PRR11: variants seen among roughly 807,000 people sequenced by gnomAD.
The protein encoded by PRR11 is proline rich 11.
PRR11 carries 30 observed loss-of-function variants against 45.6 expected under a neutral mutation model. The ratio of observed to expected loss-of-function variants is 0.66; its 90% CI spans 0.49 to 0.89. The LOEUF (loss-of-function observed/expected upper bound fraction) is 0.89. PRR11 is among the 40% of genes least tolerant of loss of function. The pLI is 0.00. For missense variants in PRR11, 373 were observed against 424.8 expected, an observed-to-expected ratio of 0.88 and a Z score of 1.07; for synonymous variants, 128 against 153.5, an observed-to-expected ratio of 0.83 and a Z score of 1.23.
rs2046917520 is a variant in PRR11 at position 59,206,225 on chromosome 17, G to C, written c.*4594G>C. On this transcript the variant is annotated 3_prime_UTR_variant, in exon 10 of 10. Coordinates refer to ENST00000262293, the MANE Select transcript of PRR11 (RefSeq NM_018304.4). ...CTACAAAAAACGAAAAATTAGCCGG[G>C]AGCGGTGATGTGTGCCTGTAGTCCC... is the stretch of plus-strand genomic sequence containing the variant. Among the ~76,000 whole-genome samples the C allele has an allele frequency of 6.6e-6, 1 of 152,052 alleles. No homozygotes were observed. The highest frequency in any genetic ancestry group is 2.1e-4 in the South Asian group (1 of 4,812).
rs753236928 is a variant in PRR11 at position 59,169,809 on chromosome 17, CA to C, written c.66del (p.Glu23LysfsTer9). 123 of 1,594,968 alleles carry C rather than the reference CA, an allele frequency of 7.7e-5. No individual in the cohort carries two copies. The highest frequency in any genetic ancestry group is 4.2e-4 in the South Asian group (37 of 88,912). On this transcript the variant is annotated frameshift_variant, in exon 2 of 10. Coordinates refer to ENST00000262293, the MANE Select transcript of PRR11 (RefSeq NM_018304.4). LOFTEE classifies it high-confidence loss of function. ...KLKAKAERLF[K>X]KKEASHFQSK... is the part of the protein sequence containing the mutation. ...TAAAAGCCAAAGCCGAAAGATTATT[CA>C]AAAAAAAAGAAGCCTCTCACTTTCA...
At chr17:59,165,612 G>T (rs1299479718) in intron 1 of PRR11, among the ~76,000 whole-genome samples, 1 of 151,968 alleles carries the variant, frequency 6.6e-6, no homozygotes, top group African/African-American at 2.4e-5. Context: ...GACCAGCATG[G>T]AGAAACCCCG....
At chr17:59,183,741 C>T (rs1179659976) in intron 2 of PRR11, among the ~76,000 whole-genome samples, 1 of 152,168 alleles carries the variant, frequency 6.6e-6, no homozygotes, top group Admixed American at 6.5e-5. Flanking sequence ...GCTCTGAACT[C>T]AGAAATTTCC....
intron 2 of PRR11, chr17:59,178,669 G>A (rs2046763145): frequency 2.0e-6 from 1 of 494,200 alleles, no homozygotes; most frequent in African/African-American, 1.9e-5. Flanking sequence ...GGAAAGAGGA[G>A]AATGACTTTC....
chr17:59,192,469 C>G (rs2046844101), intron 4 of PRR11, among the ~76,000 whole-genome samples: 1 of 152,268 alleles, frequency 6.6e-6, no homozygotes, highest in East Asian at 1.9e-4. Context: ...GCTAGAGCTG[C>G]CATAACAAAA....
At chr17:59,177,389 A>G in intron 2 of PRR11, 1 of 500,750 alleles carries the variant, frequency 2.0e-6, no homozygotes, top group Non-Finnish European at 4.0e-6. Context: ...GACTGTGCTC[A>G]TGTGGAAATT....
At chr17:59,168,691 AAAAAT>A (rs1445346702) in intron 1 of PRR11, among the ~76,000 whole-genome samples, 1 of 152,108 alleles carries the variant, frequency 6.6e-6, no homozygotes, top group African/African-American at 2.4e-5. Context: ...CTGTGCCTCA[AAAAAT>A]AAAATAACAT....
At chr17:59,167,445 A>G (rs532439416) in intron 1 of PRR11, among the ~76,000 whole-genome samples, 1 of 152,320 alleles carries the variant, frequency 6.6e-6, no homozygotes, top group East Asian at 1.9e-4. Context: ...AGGGGTCCCA[A>G]TCCAGACCCC....
chr17:59,169,026 C>T (rs1452964138), intron 1 of PRR11, among the ~76,000 whole-genome samples: 5 of 151,258 alleles, frequency 3.3e-5, no homozygotes. Context: ...GTTTCCTTAT[C>T]TTCTCACTAC....
intron 1 of PRR11, among the ~76,000 whole-genome samples, chr17:59,163,255 G>T (rs1052864198): frequency 6.6e-6 from 1 of 151,878 alleles, no homozygotes; most frequent in Non-Finnish European, 1.5e-5. Context: ...GCTAAATTTT[G>T]TATTTTTGGT....
rs189627945 is a variant in PRR11 at position 59,204,827 on chromosome 17, A to G, written c.*3196A>G. On this transcript the variant is annotated 3_prime_UTR_variant, in exon 10 of 10. Transcript: ENST00000262293. ...GAGGATTGCTTGAGGCCAAGAGTTCAAAACAAGCCTGGGCAACATTGCAAG... is the reference window on the plus strand; with the variant it reads ...GAGGATTGCTTGAGGCCAAGAGTTCGAAACAAGCCTGGGCAACATTGCAAG... The G allele has an allele frequency of 7.9e-4, 120 of 152,396 alleles. No homozygotes were observed. Among genetic ancestry groups the G allele is most frequent in the Non-Finnish European group, 1.3e-3 (90 of 68,164 alleles). 9.4% of individuals were successfully genotyped at this position (152,396 alleles called of 1,614,324 possible).
In PRR11 at chr17:59,180,276, G is replaced by T. The variant is rs2147845486; in HGVS notation, c.129-4778G>T. ...CTCCCAAGTAGCTGGGATTACAGGT[G>T]CCCGTAATAACGCCCAGCTCATTTT... is the stretch of plus-strand genomic sequence containing the variant. On this transcript the variant is annotated intron_variant, in intron 2 of 9. Transcript: ENST00000262293. Among the ~76,000 whole-genome samples the T allele has an allele frequency of 1.3e-5, 2 of 150,726 alleles. 1 individual carries two copies. The highest frequency in any genetic ancestry group is 4.2e-4 in the South Asian group (2 of 4,784).
chr17:59,163,346 A>T (rs1180994756), intron 1 of PRR11, among the ~76,000 whole-genome samples: 2 of 152,156 alleles, frequency 1.3e-5, no homozygotes, highest in Admixed American at 1.3e-4. Context: ...CGGCCTCCCA[A>T]AGTGCTGGGA....
chr17:59,196,472 G>A (rs953327447), intron 7 of PRR11, among the ~76,000 whole-genome samples: 2 of 152,086 alleles, frequency 1.3e-5, no homozygotes, highest in African/African-American at 2.4e-5. Context: ...CACCTCCCGG[G>A]TTCCAGCAAT....
chr17:59,199,445 G>A (rs1397523458), intron 9 of PRR11, among the ~76,000 whole-genome samples: 1 of 152,154 alleles, frequency 6.6e-6, no homozygotes, highest in Non-Finnish European at 1.5e-5. Flanking sequence ...CTGCAGAGTT[G>A]AAAGGAAAAG....
chr17:59,191,114 C>T (rs965890199), intron 4 of PRR11, among the ~76,000 whole-genome samples: 1 of 152,156 alleles, frequency 6.6e-6, no homozygotes, highest in Non-Finnish European at 1.5e-5. Flanking sequence ...GAGTTTCCTC[C>T]CCTCCTCTTT....
At chr17:59,159,139 A>G (rs2046639801) in intron 1 of PRR11, among the ~76,000 whole-genome samples, 1 of 151,872 alleles carries the variant, frequency 6.6e-6, no homozygotes. Context: ...CTCTTTTTTT[A>G]TAACCCTCTA....
At chr17:59,184,896 C>T (rs2046806604) in intron 2 of PRR11, among the ~76,000 whole-genome samples, 158 bp from the exon 3 acceptor site, 1 of 124,364 alleles carries the variant, frequency 8.0e-6, no homozygotes, top group Admixed American at 9.5e-5. Context: ...AGGGTTTTGC[C>T]ATGTTGCCGA....
chr17:59,193,846 G>A, intron 5 of PRR11, 112 bp downstream of exon 5: 2 of 1,281,096 alleles, frequency 1.6e-6, no homozygotes, highest in Non-Finnish European at 2.2e-6. Flanking sequence ...TGGGCCAGAA[G>A]GCTATATTTT....
Sources: allele counts gnomAD v4.1 joint callset (sites outside exome capture counted in the v4.1 genomes callset), GRCh38; gene constraint gnomAD v4.1.1; transcripts MANE v1.5; gene names NCBI Gene and HGNC (gene_info 2026-07-23, HGNC 2026-07-21).